The following SH3GL3 variants were observed in gnomAD, a reference collection of about 807,000 sequenced individuals.
The protein encoded by SH3GL3 is endophilin-A3.
Under a neutral mutation model 47.7 loss-of-function variants are expected in SH3GL3, and 33 were observed. The ratio of observed to expected loss-of-function variants is 0.69; its 90% CI spans 0.52 to 0.92. SH3GL3 has a LOEUF of 0.92. Ranked by LOEUF, SH3GL3 falls within the 40% of genes least tolerant of loss-of-function variation. SH3GL3 has a pLI of 0.00. For missense variants in SH3GL3, 363 were observed against 417.8 expected (o/e 0.87, Z 1.14); for synonymous variants, 155 against 148.8 (o/e 1.04, Z -0.30).
chr15:83,516,126 G>A (rs937262111), intron 1 of SH3GL3, among the ~76,000 whole-genome samples: 4 of 131,320 alleles, frequency 3.0e-5, no homozygotes, highest in Admixed American at 2.4e-4. Context: ...TACATGGGGG[G>A]CTTCTGGATT....
chr15:83,612,779 C>T (rs559669504), intron 8 of SH3GL3, among the ~76,000 whole-genome samples: 1 of 152,300 alleles, frequency 6.6e-6, no homozygotes, highest in South Asian at 2.1e-4. Context: ...AACAGCTCCT[C>T]CCTCTCCATG....
rs530009968 is a variant in SH3GL3, at chr15:83,478,626, C to T, written c.45+31048C>T. 1.1e-4 allele frequency among the ~76,000 whole-genome samples: 16 copies of T among 152,264 alleles called. No homozygotes were observed. The South Asian group carries it at 3.1e-3, about 30-fold the overall frequency. Reference sequence around the variant, plus strand: ...TTTAGTATAGTAATCATTTAGTATACTGGTTAAGAGTTGAGTTCAGAATCA... The same window carrying T: ...TTTAGTATAGTAATCATTTAGTATATTGGTTAAGAGTTGAGTTCAGAATCA... On this transcript the variant is annotated intron_variant, in intron 1 of 8. Transcript: ENST00000427482.
chr15:83,462,139 G>C (rs1431982770), intron 1 of SH3GL3, among the ~76,000 whole-genome samples: 2 of 152,094 alleles, frequency 1.3e-5, no homozygotes, highest in Non-Finnish European at 2.9e-5. Context: ...AATTACAAGG[G>C]ACAAGCCTTG....
intron 8 of SH3GL3, among the ~76,000 whole-genome samples, chr15:83,593,292 G>A (rs1162537136): frequency 6.6e-6 from 1 of 152,198 alleles, no homozygotes; most frequent in South Asian, 2.1e-4. Flanking sequence ...AAGAGGAATT[G>A]ATAGCTTAAC....
At chr15:83,533,364 T>C (rs1199486488) in intron 1 of SH3GL3, among the ~76,000 whole-genome samples, 1 of 152,164 alleles carries the variant, frequency 6.6e-6, no homozygotes, top group East Asian at 1.9e-4. Flanking sequence ...GGGTGAGGGC[T>C]GTGCTTTTCT....
At chr15:83,601,307 G>A (rs370787458) in intron 8 of SH3GL3, among the ~76,000 whole-genome samples, 18 of 152,232 alleles carry the variant, frequency 1.2e-4, no homozygotes, top group South Asian at 8.3e-4. Flanking sequence ...AACTTTTGTC[G>A]ATTCAGTATT....
At chr15:83,468,389 T>G (rs932169891) in intron 1 of SH3GL3, among the ~76,000 whole-genome samples, 1 of 152,178 alleles carries the variant, frequency 6.6e-6, no homozygotes, top group Non-Finnish European at 1.5e-5. Flanking sequence ...GTCTAGAACT[T>G]CCAGCATTAT....
chr15:83,508,960 G>A (rs2042632467), intron 1 of SH3GL3, among the ~76,000 whole-genome samples: 1 of 152,190 alleles, frequency 6.6e-6, no homozygotes, highest in Admixed American at 6.5e-5. Context: ...GGTAGAAGCA[G>A]GGAGACTGAT....
intron 1 of SH3GL3, among the ~76,000 whole-genome samples, chr15:83,472,891 G>A (rs1022260600): frequency 1.3e-5 from 2 of 152,160 alleles, no homozygotes; most frequent in Non-Finnish European, 2.9e-5. Flanking sequence ...GTTACTTCCA[G>A]GTGGGGGAAG....
At chr15:83,581,300 C>T (rs1021039941) in intron 6 of SH3GL3, among the ~76,000 whole-genome samples, 1 of 152,192 alleles carries the variant, frequency 6.6e-6, no homozygotes, top group South Asian at 2.1e-4. Context: ...GTTCACTGTC[C>T]TCACCTCTGC....
chr15:83,598,347 G>A (rs928344721), intron 8 of SH3GL3, among the ~76,000 whole-genome samples: 4 of 152,130 alleles, frequency 2.6e-5, no homozygotes, highest in Non-Finnish European at 4.4e-5. Context: ...ACAGCATTCC[G>A]CTTTGGGAGC....
At chr15:83,617,980 G>A (rs1271152990) in intron 8 of SH3GL3, 102 bp from the exon 9 acceptor site, 1 of 775,274 alleles carries the variant, frequency 1.3e-6, no homozygotes, top group Non-Finnish European at 2.2e-6. Context: ...AGGAAGCAAG[G>A]CCTGCTGTTA....
chr15:83,631,554 C>A, the SH3GL3 span, among the ~76,000 whole-genome samples: 3 of 152,350 alleles, frequency 2.0e-5, no homozygotes, highest in African/African-American at 7.2e-5. Flanking sequence ...CTGTGCACCC[C>A]AGGCCCAACA....
At chr15:83,582,115 C>T (rs2059844172) in intron 6 of SH3GL3, among the ~76,000 whole-genome samples, 1 of 152,254 alleles carries the variant, frequency 6.6e-6, no homozygotes, top group South Asian at 2.1e-4. Context: ...AACACTATAT[C>T]ACCCATAGGC....
intron 1 of SH3GL3, among the ~76,000 whole-genome samples, chr15:83,532,028 C>T (rs934529863): frequency 1.3e-5 from 2 of 152,152 alleles, no homozygotes; most frequent in African/African-American, 4.8e-5. Context: ...TTTTTAAAAA[C>T]ATCTGAATTC....
chr15:83,626,691 A>T, the SH3GL3 span, among the ~76,000 whole-genome samples: 1 of 152,220 alleles, frequency 6.6e-6, no homozygotes, highest in Non-Finnish European at 1.5e-5. Flanking sequence ...TTCAGGGATT[A>T]GAGTAGCACT....
At chr15:83,601,948 CAA>C (rs578253442) in intron 8 of SH3GL3, among the ~76,000 whole-genome samples, 3 of 114,894 alleles carry the variant, frequency 2.6e-5, no homozygotes, top group Non-Finnish European at 3.7e-5. Context: ...GTTTGTGTCT[CAA>C]AAAAAAAAAA....
chr15:83,509,847 T>C (rs1237722400), intron 1 of SH3GL3, among the ~76,000 whole-genome samples: 1 of 152,198 alleles, frequency 6.6e-6, no homozygotes, highest in Non-Finnish European at 1.5e-5. Context: ...CCCACCAGTT[T>C]CACAAAGCCT....
At chr15:83,571,440 T>G (rs1286725252) in intron 4 of SH3GL3, among the ~76,000 whole-genome samples, 1 of 152,124 alleles carries the variant, frequency 6.6e-6, no homozygotes, top group East Asian at 1.9e-4. Context: ...TTAGACACAC[T>G]TTGGAGAGTT....
Sources: allele counts gnomAD v4.1 joint callset (sites outside exome capture counted in the v4.1 genomes callset), GRCh38; gene constraint gnomAD v4.1.1; transcripts MANE v1.5; gene names NCBI Gene and HGNC (gene_info 2026-07-23, HGNC 2026-07-21).